VPS13A: variants seen among roughly 807,000 people sequenced by gnomAD.
The protein encoded by VPS13A is intermembrane lipid transfer protein VPS13A.
In VPS13A, 264 loss-of-function variants were observed where a neutral mutation model predicts 390.9. The observed-to-expected ratio is 0.68, with a 90% confidence interval of 0.61 to 0.75. VPS13A has a LOEUF of 0.75. Among genes scored for constraint, VPS13A ranks in the 30% least tolerant of loss-of-function variants. VPS13A has a pLI of 0.00. For synonymous variants in VPS13A, 1,231 were observed against 1,227.1 expected (o/e 1.00, Z -0.07); for missense variants, 3,409 against 3,733.9 (o/e 0.91, Z 2.27).
chr9:77,214,303 A>G (rs1285338584), intron 9 of VPS13A, 26 bp from the exon 10 acceptor site: 1 of 1,604,766 alleles, frequency 6.2e-7, no homozygotes, highest in Non-Finnish European at 8.5e-7. Flanking sequence ...CATGAATATA[A>G]ATAAAAGCAA....
At position 77,227,437 on chromosome 9, in the gene VPS13A, A is replaced by G. The variant is rs1458871797; in HGVS notation, c.1404A>G (p.Glu468=). Residue 468 remains glutamate (E), a synonymous_variant, in exon 16 of 72, where the codon GAA becomes GAG. Coordinates refer to ENST00000360280, the MANE Select transcript of VPS13A (RefSeq NM_033305.3). ...CTGAAGAAAAAGCTTTACTCTATGAAGCAATTGGCTATAGTGAAACAGCAG... is the reference window on the plus strand; with the variant it reads ...CTGAAGAAAAAGCTTTACTCTATGAGGCAATTGGCTATAGTGAAACAGCAG... ...LTPEEKALLY[E]AIGYSETAVD... is the part of the protein sequence containing the mutation. 1.2e-6 allele frequency: 2 copies of G among 1,613,714 alleles called. No individual in the cohort carries two copies. The highest frequency in any genetic ancestry group is 3.3e-5 in the Admixed American group (2 of 59,992).
intron 23 of VPS13A, among the ~76,000 whole-genome samples, chr9:77,268,512 G>T (rs1260208941): frequency 1.3e-5 from 2 of 152,038 alleles, no homozygotes; most frequent in Non-Finnish European, 2.9e-5. Flanking sequence ...AGATGAGCCG[G>T]GTACCTCAGT....
Position 77,339,654 on chromosome 9 carries a change from C to T in VPS13A, c.6517C>T (p.Pro2173Ser), listed in dbSNP as rs143019235. The T allele has an allele frequency of 6.2e-6, 10 of 1,613,784 alleles. No individual in the cohort carries two copies. The highest frequency in any genetic ancestry group is 5.3e-5 in the African/African-American group (4 of 74,974). ...HDWKSEYHIK[P>S]NQQDISFVSF... ...TTGGAAAAGTGAATATCACATAAAG[C>T]CTAATCAGCAAGACATTAGTTTTGT... The change falls in exon 48 of 72, where the codon CCT (proline) becomes TCT (serine). Residue 2173 changes from proline to serine, a missense_variant. Coordinates refer to ENST00000360280, the MANE Select transcript of VPS13A (RefSeq NM_033305.3).
intron 50 of VPS13A, among the ~76,000 whole-genome samples, chr9:77,341,651 CTT>C (rs1442365374): frequency 2.7e-5 from 3 of 111,482 alleles, no homozygotes; most frequent in Non-Finnish European, 5.4e-5. Flanking sequence ...TTCCAACTCT[CTT>C]TGCTTCATTC....
chr9:77,386,181 G>GT (rs1164911796), intron 68 of VPS13A, among the ~76,000 whole-genome samples: 1 of 152,136 alleles, frequency 6.6e-6, no homozygotes, highest in African/African-American at 2.4e-5. Context: ...AACCAACTTT[G>GT]TATTTGTTGT....
intron 67 of VPS13A, among the ~76,000 whole-genome samples, chr9:77,372,973 A>G (rs1461393081): frequency 1.3e-5 from 2 of 152,076 alleles, no homozygotes; most frequent in East Asian, 1.9e-4. Flanking sequence ...CCACTGCTCA[A>G]GGAAATAAAA....
chr9:77,302,367 C>CT lies in VPS13A; in HGVS notation c.3813-548_3813-547insT, dbSNP rs750574896. On this transcript the variant is annotated intron_variant, in intron 33 of 71. Coordinates refer to ENST00000360280, the MANE Select transcript of VPS13A (RefSeq NM_033305.3). ...TGTATCGAAAAATACATATTTTTCC[C>CT]CTTTTTTTTTTTTTTTTTTTTTGGA... Among the ~76,000 whole-genome samples the CT allele has an allele frequency of 6.4e-4, 87 of 136,094 alleles. 1 individual carries two copies. Among genetic ancestry groups the CT allele is most frequent in the Middle Eastern group, 4.4e-3 (1 of 226 alleles). The allele number at this position is 136,094 out of a possible 152,430, so 89.3% of individuals were successfully genotyped here.
chr9:77,324,900 C>A (rs1829927351), intron 45 of VPS13A, among the ~76,000 whole-genome samples: 1 of 152,016 alleles, frequency 6.6e-6, no homozygotes, highest in Admixed American at 6.6e-5. Flanking sequence ...CAGCAGTACC[C>A]AACCTTTTTG....
intron 70 of VPS13A, among the ~76,000 whole-genome samples, chr9:77,406,952 A>G (rs1199703412): frequency 6.6e-6 from 1 of 152,138 alleles, no homozygotes; most frequent in Non-Finnish European, 1.5e-5. Context: ...CCCACTACCA[A>G]TACTAAACAT....
intron 1 of VPS13A, among the ~76,000 whole-genome samples, chr9:77,188,834 C>G (rs6560581): frequency 0.2 from 29,748 of 151,590 alleles, 3,099 homozygotes; most frequent in Middle Eastern, 0.26. Flanking sequence ...GGTGTAGGAT[C>G]GTATCTCACT....
chr9:77,394,485 C>G (rs1834042661), intron 68 of VPS13A, among the ~76,000 whole-genome samples: 2 of 152,138 alleles, frequency 1.3e-5, no homozygotes, highest in African/African-American at 2.4e-5. Context: ...AAGAGGATCC[C>G]TTGAACCCAG....
intron 49 of VPS13A, 41 bp downstream of exon 49, chr9:77,340,323 A>C: frequency 6.2e-7 from 1 of 1,602,760 alleles, no homozygotes. Context: ...TTTATTTTAA[A>C]TGTTTCTATT....
In VPS13A at chr9:77,321,298, G is replaced by T; in HGVS notation, c.5545G>T (p.Gly1849Cys). Reference protein sequence around the residue: ...DQLNITLSKCGLVMLNNLVKA... With the variant: ...DQLNITLSKCCLVMLNNLVKA... The stretch of plus-strand genomic sequence containing the variant: ...ATTAAACATTACATTATCCAAATGT[G>T]GTCTTGTAATGTTAAACAATTTAGT... The change falls in exon 43 of 72, where the codon GGT becomes TGT. Residue 1849 changes from glycine (G) to cysteine (C), a missense_variant. Coordinates refer to ENST00000360280, the MANE Select transcript of VPS13A (RefSeq NM_033305.3). The T allele has an allele frequency of 6.2e-7, 1 of 1,608,292 alleles. No individual in the cohort carries two copies. Among genetic ancestry groups the T allele is most frequent in the South Asian group, 1.1e-5 (1 of 90,552 alleles).
Position 77,316,363 on chromosome 9 carries a change from C to G in VPS13A, c.4820C>G (p.Ala1607Gly), listed in dbSNP as rs926623318. Reference protein sequence around the residue: ...TAAIKDLQVRACPFLPVKRKG... With the variant: ...TAAIKDLQVRGCPFLPVKRKG... The stretch of plus-strand genomic sequence containing the variant: ...GCCATTAAAGATCTCCAAGTGAGAG[C>G]CTGCCCGTTTCTTCCAGTCAAGAGA... Residue 1607 changes from alanine to glycine, a missense_variant, in exon 39 of 72, where the codon GCC becomes GGC. This residue lies in a region of VPS13A where 2,717 missense variants were observed against 2,917.4 expected (regional missense o/e 0.93). Coordinates refer to ENST00000360280, the MANE Select transcript of VPS13A (RefSeq NM_033305.3). The G allele has an allele frequency of 6.2e-7, 1 of 1,613,084 alleles. No individual in the cohort carries two copies. The highest frequency in any genetic ancestry group is 8.5e-7 in the Non-Finnish European group (1 of 1,179,308).
At chr9:77,342,629 A>G (rs1830896260) in intron 50 of VPS13A, among the ~76,000 whole-genome samples, 1 of 152,198 alleles carries the variant, frequency 6.6e-6, no homozygotes, top group Admixed American at 6.5e-5. Flanking sequence ...CTTTTGGGCT[A>G]TGTGTATAAG....
In VPS13A at chr9:77,419,314, G is replaced by A. The variant is rs1028084268; in HGVS notation, c.*3308G>A. On this transcript the variant is annotated 3_prime_UTR_variant, in exon 72 of 72. Transcript: ENST00000360280. The stretch of plus-strand genomic sequence containing the variant: ...AGAGGAACAATAGAGCATATAAAAT[G>A]GTTAAGTATTGGTTCCTGAAATACT... The A allele has an allele frequency of 1.3e-5, 2 of 152,110 alleles. No individual in the cohort carries two copies. The highest frequency in any genetic ancestry group is 4.8e-5 in the African/African-American group (2 of 41,404). 9.4% of individuals were successfully genotyped at this position (152,110 alleles called of 1,614,324 possible).
intron 10 of VPS13A, among the ~76,000 whole-genome samples, chr9:77,217,485 C>A (rs1822928751): frequency 6.6e-6 from 1 of 152,142 alleles, no homozygotes. Context: ...TTCTGAGTCT[C>A]CAGTGACTGT....
intron 40 of VPS13A, 72 bp from the exon 41 acceptor site, chr9:77,318,163 T>A: frequency 1.3e-6 from 1 of 779,438 alleles, no homozygotes; most frequent in Admixed American, 3.0e-5. Context: ...TCTCATAATA[T>A]ATATTTAATA....
chr9:77,367,797 G>A (rs566872373), intron 61 of VPS13A, among the ~76,000 whole-genome samples: 3 of 152,098 alleles, frequency 2.0e-5, no homozygotes, highest in South Asian at 2.1e-4. Flanking sequence ...CAGAACTCTC[G>A]AATTTACATG....
Sources: allele counts gnomAD v4.1 joint callset (sites outside exome capture counted in the v4.1 genomes callset), GRCh38; gene constraint gnomAD v4.1.1; regional missense constraint gnomAD v4.1.1; transcripts MANE v1.5; gene names NCBI Gene and HGNC (gene_info 2026-07-23, HGNC 2026-07-21).